Variants in PCDH15 observed in about 807,000 individuals in gnomAD.
PCDH15 encodes the protein protocadherin-15.
In PCDH15, 129 loss-of-function variants were observed where a neutral mutation model predicts 178.5. The observed-to-expected ratio is 0.72, with a 90% confidence interval of 0.63 to 0.84. PCDH15 has a LOEUF of 0.84. PCDH15 is among the 40% of genes least tolerant of loss of function. The pLI, the probability that PCDH15 is intolerant of heterozygous loss-of-function variation, is 0.00. For missense variants in PCDH15, 2,230 were observed against 2,099.9 expected (o/e 1.06, Z -1.21); for synonymous variants, 800 against 732.0 (o/e 1.09, Z -1.50).
chr10:54,907,402 C>G (rs1296812066), intron 2 of PCDH15, among the ~76,000 whole-genome samples: 2 of 152,236 alleles, frequency 1.3e-5, no homozygotes, highest in Non-Finnish European at 2.9e-5. Context: ...ATAAATCCCC[C>G]CTGCAAGCAC....
chr10:55,051,513 C>G (rs955118644), intron 2 of PCDH15, among the ~76,000 whole-genome samples: 1 of 152,036 alleles, frequency 6.6e-6, no homozygotes, highest in Non-Finnish European at 1.5e-5. Context: ...AAAAGTAAAT[C>G]TTTCTTATTC....
intron 13 of PCDH15, among the ~76,000 whole-genome samples, chr10:54,160,069 G>A (rs747088471): frequency 6.6e-6 from 1 of 152,064 alleles, no homozygotes; most frequent in Non-Finnish European, 1.5e-5. Flanking sequence ...CCATTGTTAT[G>A]TAAAATAAGG....
intron 13 of PCDH15, among the ~76,000 whole-genome samples, chr10:54,182,506 A>AGTGTGT (rs71007813): frequency 0.023 from 3,336 of 148,048 alleles, 90 homozygotes; most frequent in African/African-American, 0.062. Context: ...AGAGAAAAAA[A>AGTGTGT]GTGTGTGTGT....
At chr10:54,907,120 T>C (rs1233607934) in intron 2 of PCDH15, among the ~76,000 whole-genome samples, 1 of 152,148 alleles carries the variant, frequency 6.6e-6, no homozygotes, top group Non-Finnish European at 1.5e-5. Context: ...CATGAGTGTA[T>C]ATTGGTAGGT....
At chr10:54,561,309 T>C (rs2088110103) in intron 2 of PCDH15, among the ~76,000 whole-genome samples, 1 of 152,136 alleles carries the variant, frequency 6.6e-6, no homozygotes, top group African/African-American at 2.4e-5. Flanking sequence ...TATAAAATGT[T>C]AATTGTAGAA....
rs191197552 is a variant in PCDH15, at chr10:54,466,558, T to G, written c.157+61254A>C. On this transcript the variant is annotated intron_variant, in intron 3 of 37. Coordinates refer to ENST00000644397, the MANE Select transcript of PCDH15 (RefSeq NM_001384140.1). ...TGTATGTCTGTTTTTGTATCAACAT[T>G]ATGCTGTTTTGGTTGCTATAGCCTT... is the stretch of plus-strand genomic sequence containing the variant. Among the ~76,000 whole-genome samples, 14 of 152,090 alleles carry G rather than the reference T, an allele frequency of 9.2e-5. No homozygotes were observed. The East Asian group carries it at 2.7e-3, about 29-fold the overall frequency.
At chr10:54,730,119 C>G (rs1292358827) in intron 1 of PCDH15, among the ~76,000 whole-genome samples, 1 of 151,368 alleles carries the variant, frequency 6.6e-6, no homozygotes, top group Non-Finnish European at 1.5e-5. Flanking sequence ...TGCAGCACTA[C>G]TTATAGTAAC....
intron 9 of PCDH15, among the ~76,000 whole-genome samples, chr10:54,232,175 G>A (rs1464499420): frequency 6.6e-6 from 1 of 152,112 alleles, no homozygotes; most frequent in Non-Finnish European, 1.5e-5. Context: ...GAATAATGGG[G>A]GGAAATTTCC....
chr10:55,085,958 A>T (rs1016091038), intron 2 of PCDH15, among the ~76,000 whole-genome samples: 2 of 151,706 alleles, frequency 1.3e-5, no homozygotes, highest in Non-Finnish European at 3.0e-5. Context: ...TATATCATCT[A>T]TCAAGGAGTA....
At chr10:55,460,402 T>C (rs1415155058) in intron 2 of PCDH15, among the ~76,000 whole-genome samples, 1 of 151,994 alleles carries the variant, frequency 6.6e-6, no homozygotes, top group Non-Finnish European at 1.5e-5. Context: ...AAAGCCATTG[T>C]AGGAACCTCC....
intron 1 of PCDH15, among the ~76,000 whole-genome samples, chr10:54,696,285 A>G (rs2095222215): frequency 6.6e-6 from 1 of 152,094 alleles, no homozygotes; most frequent in Admixed American, 6.6e-5. Flanking sequence ...TAGAAATTGC[A>G]AGGGAACTAG....
chr10:55,613,017 A>ATTTTTTTTTTTTTTTTTTTTTTTTTT (rs34403286), intron 2 of PCDH15, among the ~76,000 whole-genome samples: 3 of 82,388 alleles, frequency 3.6e-5, no homozygotes, highest in Non-Finnish European at 4.8e-5. Context: ...TACTAGCCAG[A>ATTTTTTTTTTTTTTTTTTTTTTTTTT]TTTTTTTTTT....
intron 2 of PCDH15, among the ~76,000 whole-genome samples, chr10:55,602,159 C>G (rs995249188): frequency 1.3e-5 from 2 of 152,126 alleles, no homozygotes; most frequent in African/African-American, 2.4e-5. Context: ...CACTCCCACC[C>G]GAATACTGCG....
chr10:54,052,548 C>A (rs949096970), intron 18 of PCDH15, among the ~76,000 whole-genome samples: 1 of 152,166 alleles, frequency 6.6e-6, no homozygotes, highest in African/African-American at 2.4e-5. Flanking sequence ...TACGCCTGTA[C>A]CCTCATTGTA....
In PCDH15 at chr10:53,905,844, G is replaced by A. The variant is rs542117417; in HGVS notation, c.3374-2474C>T. On this transcript the variant is annotated intron_variant, in intron 25 of 37. Transcript: ENST00000644397. ...TAACCTGAACATAATGGGGAGAGAT[G>A]ATTATACTTAATTATAATATTTTAA... Among the ~76,000 whole-genome samples the A allele has an allele frequency of 2.2e-4, 34 of 151,924 alleles. No individual in the cohort carries two copies. In the South Asian group the frequency reaches 6.0e-3, roughly 27 times the overall value.
At chr10:54,438,066 G>A (rs1392916267) in intron 3 of PCDH15, among the ~76,000 whole-genome samples, 1 of 151,918 alleles carries the variant, frequency 6.6e-6, no homozygotes, top group Non-Finnish European at 1.5e-5. Context: ...AAAAGGTCTA[G>A]TTGCATGTAA....
chr10:53,936,038 C>T (rs1354848054), intron 25 of PCDH15, among the ~76,000 whole-genome samples: 2 of 152,096 alleles, frequency 1.3e-5, no homozygotes, highest in Non-Finnish European at 2.9e-5. Context: ...GCCTCCAGAT[C>T]TAACTACTTA....
At chr10:55,290,735 C>A (rs552327735) in intron 1 of PCDH15, among the ~76,000 whole-genome samples, 30 of 151,884 alleles carry the variant, frequency 2.0e-4, no homozygotes, top group African/African-American at 7.2e-4. Flanking sequence ...GGTGCCAATA[C>A]CTCCAAATAG....
intron 2 of PCDH15, among the ~76,000 whole-genome samples, chr10:55,103,649 T>A (rs1398924510): frequency 6.6e-6 from 1 of 152,126 alleles, no homozygotes; most frequent in African/African-American, 2.4e-5. Flanking sequence ...ATTTTCATGA[T>A]ATTCTCTTTA....
Sources: gnomAD v4.1 joint callset for allele counts (sites outside exome capture counted in the v4.1 genomes callset) on GRCh38, gnomAD v4.1.1 for gene constraint, MANE v1.5 for transcripts, NCBI Gene and HGNC (gene_info 2026-07-23, HGNC 2026-07-21) for gene names.